Variants in ANKRD11 observed in about 807,000 individuals in gnomAD.
The protein encoded by ANKRD11 is ankyrin repeat domain-containing protein 11.
In ANKRD11, 17 loss-of-function variants were observed where a neutral mutation model predicts 195.7. The observed-to-expected ratio is 0.09, with a 90% CI of 0.06 to 0.13. The LOEUF (loss-of-function observed/expected upper bound fraction) is 0.13, where lower values mean the gene tolerates loss of function less well. ANKRD11 is among the 10% of genes least tolerant of loss of function. The probability of loss-of-function intolerance (pLI) is 1.00; values close to 1 mark genes in which losing one functional copy is unlikely to be tolerated. For missense variants in ANKRD11, 3,735 were observed against 3,566.1 expected, an observed-to-expected ratio of 1.05 and a Z score of -1.21; for synonymous variants, 1,953 against 1,528.1, an observed-to-expected ratio of 1.28 and a Z score of -6.49.
intron 11 of ANKRD11, among the ~76,000 whole-genome samples, chr16:89,273,810 C>T (rs1029946862): frequency 1.9e-4 from 29 of 152,210 alleles, no homozygotes; most frequent in African/African-American, 6.8e-4. Context: ...AACTAAACAT[C>T]TGGGAGCCCC....
chr16:89,339,794 C>T (rs759502610), intron 2 of ANKRD11: 2 of 152,124 alleles, frequency 1.3e-5, no homozygotes, highest in Admixed American at 1.3e-4. Flanking sequence ...TATATAAGCC[C>T]CACCCTGCTG....
chr16:89,478,107 A>T (rs1187547591), intron 1 of ANKRD11, among the ~76,000 whole-genome samples: 1 of 152,248 alleles, frequency 6.6e-6, no homozygotes, highest in African/African-American at 2.4e-5. Flanking sequence ...GCGCTTAATA[A>T]ACTGAAATTT....
rs1281306906 is a variant in ANKRD11 at position 89,283,125 on chromosome 16, C to T, written c.3417G>A (p.Glu1139=). 3.7e-6 allele frequency: 6 copies of T among 1,614,002 alleles called. No individual in the cohort carries two copies. Among genetic ancestry groups the T allele is most frequent in the Non-Finnish European group, 5.1e-6 (6 of 1,180,020 alleles). Residue 1139 remains glutamate (E), a synonymous_variant, in exon 9 of 13, where the codon GAG becomes GAA. Transcript: ENST00000301030. The surrounding 1 kb of genome is among the most constrained non-coding windows in gnomAD (Gnocchi z 4.3). The part of the protein sequence containing the change: ...SCMGSGFKMG[E]ASDLPRTDGL... ...CGTCCGTCCTCGGCAAGTCGCTGGC[C>T]TCTCCCATCTTGAACCCGCTCCCCA...
intron 2 of ANKRD11, among the ~76,000 whole-genome samples, chr16:89,361,321 G>A (rs1332951923): frequency 6.6e-6 from 1 of 152,214 alleles, no homozygotes; most frequent in Non-Finnish European, 1.5e-5. Context: ...AACCATCACA[G>A]CGCCGGGGGC....
chr16:89,470,495 G>C (rs1458822742), intron 1 of ANKRD11, among the ~76,000 whole-genome samples: 1 of 148,626 alleles, frequency 6.7e-6, no homozygotes, highest in Non-Finnish European at 1.5e-5. Context: ...GGGAATACTG[G>C]TTAACACCAT....
rs191287362 is a variant in ANKRD11 at position 89,286,040 on chromosome 16, C to G, written c.891G>C (p.Thr297=). ...GTYTSSEESS[T]ESSEEEDAPS... ...GCAGCTCAGGTGGCCGTGACTTACC[C>G]GTCGAGCTCTCCTCGCTGGAAGTGT... Residue 297 remains threonine (T), a splice_region_variant and synonymous_variant, in exon 8 of 13, where the codon ACG becomes ACC. Transcript: ENST00000301030. 1.1e-5 allele frequency: 17 copies of G among 1,614,170 alleles called. No individual in the cohort carries two copies. The highest frequency in any genetic ancestry group is 9.3e-5 in the African/African-American group (7 of 75,056).
rs567068476 is a variant in ANKRD11 at position 89,324,333 on chromosome 16, G to A, written c.-59-7255C>T. On this transcript the variant is annotated intron_variant, in intron 2 of 12. Coordinates refer to ENST00000301030, the MANE Select transcript of ANKRD11 (RefSeq NM_013275.6). ...GCACGGACACAGCAGTCGGGGCGAC[G>A]TGGGTGCCTCACAGAAGAGGGAAAA... is the stretch of plus-strand genomic sequence containing the variant. 4.3e-5 allele frequency: 52 copies of A among 1,198,062 alleles called. No homozygotes were observed. The East Asian group carries it at 1.3e-3, about 29-fold the overall frequency. 74.2% of individuals were successfully genotyped at this position (1,198,062 alleles called of 1,614,324 possible).
intron 2 of ANKRD11, among the ~76,000 whole-genome samples, chr16:89,347,158 G>A (rs553075559): frequency 1.3e-5 from 2 of 152,334 alleles, no homozygotes; most frequent in Admixed American, 6.5e-5. Context: ...CAAGCAGCTT[G>A]CTGAAATGGA....
At chr16:89,460,866 T>C (rs1218450447) in intron 1 of ANKRD11, among the ~76,000 whole-genome samples, 1 of 151,906 alleles carries the variant, frequency 6.6e-6, no homozygotes, top group South Asian at 2.1e-4. Flanking sequence ...AAGGGAAATA[T>C]GCCAGTCACG....
At chr16:89,486,663 C>A (rs2057624860) in intron 1 of ANKRD11, among the ~76,000 whole-genome samples, 1 of 152,022 alleles carries the variant, frequency 6.6e-6, no homozygotes, top group South Asian at 2.1e-4. Context: ...AAGAATGGGG[C>A]ATGGTATCAG....
Position 89,291,901 on chromosome 16 carries a change from G to T in ANKRD11, c.227-718C>A. On this transcript the variant is annotated intron_variant, in intron 4 of 12. Coordinates refer to ENST00000301030, the MANE Select transcript of ANKRD11 (RefSeq NM_013275.6). The surrounding 1 kb of genome is among the most constrained non-coding windows in gnomAD (Gnocchi z 5.3). ...ACCCGTTACAGAACACTCGGCTGGC[G>T]TCTAACGCAACTCACGTGCTGTGTC... is the stretch of plus-strand genomic sequence containing the variant. The T allele has an allele frequency of 1.7e-6, 1 of 591,550 alleles. No homozygotes were observed. Among genetic ancestry groups the T allele is most frequent in the Non-Finnish European group, 2.8e-6 (1 of 357,998 alleles). The allele number at this position is 591,550 out of a possible 1,614,324, so 36.6% of individuals were successfully genotyped here. A position where few individuals can be genotyped will look rare whatever the true frequency, so the allele number is the denominator to read the frequency against.
In ANKRD11 at chr16:89,268,680, G is replaced by A. The variant is rs370800421; in HGVS notation, c.7807-17C>T. 4.6e-5 allele frequency: 72 copies of A among 1,572,650 alleles called. No individual in the cohort carries two copies. Among genetic ancestry groups the A allele is most frequent in the African/African-American group, 1.2e-4 (9 of 74,378 alleles). On this transcript the variant is annotated splice_polypyrimidine_tract_variant and intron_variant, in intron 12 of 12. Transcript: ENST00000301030. ...GAGGCAAGTCTGCGGGACACACAGC[G>A]GGGAGAGGAGGGAGGAGGAGTGAAG...
chr16:89,275,161 G>C lies in ANKRD11; in HGVS notation c.7501C>G (p.Leu2501Val). 6.2e-7 allele frequency: 1 copy of C among 1,610,682 alleles called. No homozygotes were observed. Among genetic ancestry groups the C allele is most frequent in the Non-Finnish European group, 8.5e-7 (1 of 1,178,864 alleles). ...TCCTGCTGCCTGAACAGCTCCTTCA[G>C]GGGCTCCGCCAGGGAGGGAGGGGGT... is the stretch of plus-strand genomic sequence containing the variant. ...IAPPPSLAEP[L>V]KELFRQQEAV... Residue 2501 changes from leucine to valine, a missense_variant, in exon 10 of 13, where the codon CTG (leucine) becomes GTG (valine). Coordinates refer to ENST00000301030, the MANE Select transcript of ANKRD11 (RefSeq NM_013275.6).
At chr16:89,300,803 C>T in intron 4 of ANKRD11, 1 of 695,330 alleles carries the variant, frequency 1.4e-6, no homozygotes, top group Admixed American at 2.0e-5. Flanking sequence ...CACCAGAGAC[C>T]AGGGTGTCAT....
At chr16:89,477,720 C>A (rs1372370086) in intron 1 of ANKRD11, among the ~76,000 whole-genome samples, 1 of 151,668 alleles carries the variant, frequency 6.6e-6, no homozygotes, top group African/African-American at 2.4e-5. Context: ...TGCCTGTAAT[C>A]CCAGCACTTT....
Position 89,280,080 on chromosome 16 carries a change from T to C in ANKRD11, c.6462A>G (p.Glu2154=). The change falls in exon 9 of 13, where the codon GAA becomes GAG. Residue 2154 remains glutamate (E), a synonymous_variant. Coordinates refer to ENST00000301030, the MANE Select transcript of ANKRD11 (RefSeq NM_013275.6). ...GAGGAGCAAGACTTTCTTCCACGGGTTCCGCTTCACCATCTGCGGCATCTT... is the reference window on the plus strand; with the variant it reads ...GAGGAGCAAGACTTTCTTCCACGGGCTCCGCTTCACCATCTGCGGCATCTT... ...QTKDAADGEA[E]PVEESLAPPE... is the part of the protein sequence containing the mutation. 3 of 1,613,030 alleles carry C rather than the reference T, an allele frequency of 1.9e-6. No individual in the cohort carries two copies. The East Asian group carries it at 6.7e-5, about 36-fold the overall frequency.
chr16:89,313,219 G>C (rs1431968352), intron 3 of ANKRD11: 10 of 1,185,736 alleles, frequency 8.4e-6, no homozygotes, highest in Non-Finnish European at 6.6e-6. Context: ...TGAGTGGCGT[G>C]CATGGAGCAC....
At chr16:89,380,019 C>T (rs1166063252) in intron 2 of ANKRD11, among the ~76,000 whole-genome samples, 2 of 152,190 alleles carry the variant, frequency 1.3e-5, no homozygotes, top group Non-Finnish European at 1.5e-5. Flanking sequence ...CAGTCCAGGT[C>T]CAAGTATCAA....
intron 2 of ANKRD11, among the ~76,000 whole-genome samples, chr16:89,387,730 C>T (rs931635028): frequency 1.4e-5 from 2 of 147,086 alleles, no homozygotes; most frequent in East Asian, 2.0e-4. Flanking sequence ...TGGCCGGGCA[C>T]GGTAGCTTGC....
Sources: allele counts gnomAD v4.1 joint callset (sites outside exome capture counted in the v4.1 genomes callset), GRCh38; gene constraint gnomAD v4.1.1; non-coding constraint Gnocchi (gnomAD v3.1); transcripts MANE v1.5; gene names NCBI Gene and HGNC (gene_info 2026-07-23, HGNC 2026-07-21).